The following SCAPER variants were observed in gnomAD, a reference collection of about 807,000 sequenced individuals.
SCAPER encodes S-phase cyclin A associated protein in the ER.
A neutral mutation model predicts 182.2 loss-of-function variants in SCAPER; 98 were observed. That is an observed-to-expected ratio of 0.54 (90% confidence interval 0.46 to 0.64). SCAPER has a LOEUF of 0.64. SCAPER is among the 30% of genes least tolerant of loss of function. The pLI, the probability that SCAPER is intolerant of heterozygous loss-of-function variation, is 0.00. For missense variants in SCAPER, 1,432 were observed against 1,690.0 expected (o/e 0.85, Z 2.68); for synonymous variants, 605 against 564.6 (o/e 1.07, Z -1.01).
chr15:76,650,217 G>T (rs1437933354), intron 21 of SCAPER, among the ~76,000 whole-genome samples: 1 of 151,872 alleles, frequency 6.6e-6, no homozygotes, highest in Non-Finnish European at 1.5e-5. Context: ...TCAATGAAGA[G>T]ACAAATGTCC....
chr15:76,691,576 GAAT>G (rs961127441), intron 20 of SCAPER, among the ~76,000 whole-genome samples: 2 of 152,086 alleles, frequency 1.3e-5, no homozygotes, highest in African/African-American at 2.4e-5. Context: ...AGACGATAGA[GAAT>G]AATATCTAAT....
chr15:76,474,162 C>G (rs1026037012), intron 24 of SCAPER, among the ~76,000 whole-genome samples: 1 of 152,130 alleles, frequency 6.6e-6, no homozygotes, highest in African/African-American at 2.4e-5. Flanking sequence ...CTTGGTGGTA[C>G]TAGTTGGGAA....
chr15:76,450,466 A>G (rs987564495), intron 25 of SCAPER, among the ~76,000 whole-genome samples: 5 of 152,128 alleles, frequency 3.3e-5, no homozygotes, highest in South Asian at 2.1e-4. Context: ...TCCCTTCTAA[A>G]TCTAGTACAA....
intron 25 of SCAPER, among the ~76,000 whole-genome samples, chr15:76,457,508 T>A (rs2048829480): frequency 6.6e-6 from 1 of 152,228 alleles, no homozygotes; most frequent in African/African-American, 2.4e-5. Context: ...CTGAATATAT[T>A]TTAGAATCCT....
chr15:76,887,126 C>T (rs2073882205), intron 1 of SCAPER, among the ~76,000 whole-genome samples: 1 of 152,130 alleles, frequency 6.6e-6, no homozygotes, highest in Admixed American at 6.5e-5. Context: ...ACATAACAAA[C>T]CTGCACTTGT....
chr15:76,529,712 G>C (rs1031722283), intron 23 of SCAPER, among the ~76,000 whole-genome samples: 1 of 152,166 alleles, frequency 6.6e-6, no homozygotes. Context: ...TAAGGCAGAA[G>C]AAAGCTGACA....
At chr15:76,748,476 A>T (rs916725986) in intron 15 of SCAPER, among the ~76,000 whole-genome samples, 1 of 152,058 alleles carries the variant, frequency 6.6e-6, no homozygotes, top group South Asian at 2.1e-4. Context: ...ACCAAAAACT[A>T]AGCAACAAAA....
chr15:76,521,569 A>T (rs1737926966), intron 23 of SCAPER, among the ~76,000 whole-genome samples: 1 of 152,150 alleles, frequency 6.6e-6, no homozygotes, highest in African/African-American at 2.4e-5. Context: ...TGTGTCCCTG[A>T]TGTTACAATT....
intron 1 of SCAPER, among the ~76,000 whole-genome samples, chr15:76,892,944 G>A (rs2074241155): frequency 2.0e-5 from 3 of 147,030 alleles, no homozygotes; most frequent in East Asian, 2.0e-4. Context: ...ACGATAGACT[G>A]GATTAAGAAA....
At chr15:76,384,713 G>A (rs1476811998) in intron 27 of SCAPER, among the ~76,000 whole-genome samples, 1 of 152,170 alleles carries the variant, frequency 6.6e-6, no homozygotes. Flanking sequence ...AGAATATATG[G>A]GGGCAAGGGG....
intron 15 of SCAPER, among the ~76,000 whole-genome samples, chr15:76,747,709 C>T (rs79015569): frequency 0.049 from 7,384 of 152,120 alleles, 218 homozygotes; most frequent in South Asian, 0.12. Flanking sequence ...TACCTCCCTC[C>T]TCTCTTACTG....
chr15:76,717,598 C>T (rs543717533), intron 17 of SCAPER, among the ~76,000 whole-genome samples: 1 of 152,120 alleles, frequency 6.6e-6, no homozygotes, highest in Admixed American at 6.5e-5. Flanking sequence ...CTTAAAACAG[C>T]TGATAACAAC....
intron 15 of SCAPER, among the ~76,000 whole-genome samples, chr15:76,742,231 T>A (rs1164736182): frequency 6.6e-6 from 1 of 151,654 alleles, no homozygotes; most frequent in Non-Finnish European, 1.5e-5. Flanking sequence ...AAGGAAGACA[T>A]GGGTGATCGG....
chr15:76,579,098 T>A (rs573769276), intron 22 of SCAPER, among the ~76,000 whole-genome samples: 2 of 110,202 alleles, frequency 1.8e-5, no homozygotes, highest in African/African-American at 2.7e-5. Context: ...AACCCTGCCT[T>A]GACTAAAAAT....
intron 23 of SCAPER, among the ~76,000 whole-genome samples, chr15:76,505,804 C>T (rs1224179217): frequency 6.6e-6 from 1 of 152,140 alleles, no homozygotes; most frequent in African/African-American, 2.4e-5. Context: ...ATATTTACTA[C>T]AGCACTATTC....
intron 29 of SCAPER, among the ~76,000 whole-genome samples, chr15:76,358,648 T>C (rs2460149): frequency 0.97 from 147,961 of 152,308 alleles, 72,005 homozygotes; most frequent in South Asian, 1. Flanking sequence ...ATTAGGGCAC[T>C]GCCCTTACAA....
intron 15 of SCAPER, among the ~76,000 whole-genome samples, chr15:76,744,372 T>C (rs1376703643): frequency 6.6e-6 from 1 of 152,064 alleles, no homozygotes; most frequent in Non-Finnish European, 1.5e-5. Context: ...TGGGAGACAA[T>C]ATTTGCAAAC....
chr15:76,890,974 A>T (rs1481532625), intron 1 of SCAPER, among the ~76,000 whole-genome samples: 1 of 152,224 alleles, frequency 6.6e-6, no homozygotes, highest in African/African-American at 2.4e-5. Context: ...TCTACTCACA[A>T]TCAAGTCGGC....
intron 4 of SCAPER, among the ~76,000 whole-genome samples, chr15:76,842,984 A>G (rs1479489662): frequency 6.6e-6 from 1 of 152,164 alleles, no homozygotes; most frequent in African/African-American, 2.4e-5. Context: ...CTTCCTTCCC[A>G]AAGTTTTTTT....
Sources: allele counts gnomAD v4.1 joint callset (sites outside exome capture counted in the v4.1 genomes callset), GRCh38; gene constraint gnomAD v4.1.1; transcripts MANE v1.5; gene names NCBI Gene and HGNC (gene_info 2026-07-23, HGNC 2026-07-21).